TAFA5: variants seen among roughly 807,000 people sequenced by gnomAD.
The protein encoded by TAFA5 is chemokine-like protein TAFA-5.
A neutral mutation model predicts 15.3 loss-of-function variants in TAFA5; 6 were observed. That is an observed-to-expected ratio of 0.39 (90% CI 0.21 to 0.77). The LOEUF is 0.77. Ranked by LOEUF, TAFA5 falls within the 30% of genes least tolerant of loss-of-function variation. The probability of loss-of-function intolerance (pLI) is 0.41; values close to 1 mark genes in which losing one functional copy is unlikely to be tolerated. For synonymous variants in TAFA5, 103 were observed against 80.7 expected (o/e 1.28, Z -1.48); for missense variants, 161 against 193.1 (o/e 0.83, Z 0.98).
At chr22:48,730,477 T>G (rs1234454433) in intron 3 of TAFA5, among the ~76,000 whole-genome samples, 3 of 152,216 alleles carry the variant, frequency 2.0e-5, no homozygotes, top group East Asian at 1.9e-4. Context: ...CCACCTTGTT[T>G]TATTGTACTC....
At chr22:48,567,712 C>T (rs9627381) in intron 1 of TAFA5, among the ~76,000 whole-genome samples, 3,277 of 152,238 alleles carry the variant, frequency 0.022, 128 homozygotes, top group African/African-American at 0.074. Context: ...CGGGTGAGCT[C>T]GGGAACTAAG....
chr22:48,661,947 A>C (rs1219689210), intron 2 of TAFA5, among the ~76,000 whole-genome samples: 2 of 118,888 alleles, frequency 1.7e-5, no homozygotes, highest in Non-Finnish European at 3.4e-5. Flanking sequence ...GGAGATGGTG[A>C]CTGGGGGCTC....
rs1927620574 is a variant in TAFA5, at chr22:48,666,555, A to G, written c.262+19809A>G. Among the ~76,000 whole-genome samples the G allele has an allele frequency of 2.0e-5, 3 of 152,324 alleles. 1 individual carries two copies. In the South Asian group the frequency reaches 6.2e-4, roughly 32 times the overall value. Reference sequence around the variant, plus strand: ...CCAGGCAATACTGAGACCCGTGACCAGTCAGTACGGAGGCCCGTGACCTGG... The same window carrying G: ...CCAGGCAATACTGAGACCCGTGACCGGTCAGTACGGAGGCCCGTGACCTGG... On this transcript the variant is annotated intron_variant, in intron 2 of 3. Coordinates refer to ENST00000402357, the MANE Select transcript of TAFA5 (RefSeq NM_001082967.3).
At chr22:48,591,678 C>T (rs143856855) in intron 1 of TAFA5, among the ~76,000 whole-genome samples, 196 of 152,272 alleles carry the variant, frequency 1.3e-3, no homozygotes, top group Middle Eastern at 6.8e-3. Flanking sequence ...AGGTGAATGC[C>T]GGAGCCTGGG....
chr22:48,662,535 G>A (rs1354586013), intron 2 of TAFA5, among the ~76,000 whole-genome samples: 4 of 152,080 alleles, frequency 2.6e-5, no homozygotes, highest in Admixed American at 6.5e-5. Flanking sequence ...GTGTGAGACC[G>A]TGTGGAGGGC....
At chr22:48,636,244 T>C (rs1926441089) in intron 1 of TAFA5, among the ~76,000 whole-genome samples, 1 of 152,212 alleles carries the variant, frequency 6.6e-6, no homozygotes, top group East Asian at 1.9e-4. Flanking sequence ...TTCACAACTA[T>C]GTGAGTGAGG....
chr22:48,714,621 G>A (rs9628605), intron 3 of TAFA5, among the ~76,000 whole-genome samples: 9,634 of 152,234 alleles, frequency 0.063, 362 homozygotes, highest in Admixed American at 0.095. Context: ...GAAACCAGGC[G>A]ATTAGGTGAA....
chr22:48,512,940 AAAAAG>A (rs1269243003), intron 1 of TAFA5, among the ~76,000 whole-genome samples: 15 of 148,454 alleles, frequency 1.0e-4, no homozygotes, highest in South Asian at 2.1e-4. Context: ...AAAAAAAAAA[AAAAAG>A]AGAGAGAGAG....
intron 1 of TAFA5, among the ~76,000 whole-genome samples, chr22:48,575,182 G>C (rs775582728): frequency 5.3e-5 from 8 of 152,016 alleles, no homozygotes; most frequent in Non-Finnish European, 8.8e-5. Context: ...GGCGCCACTC[G>C]AGGCCCCGCG....
chr22:48,584,510 CACACACACAT>C (rs1248544251), intron 1 of TAFA5, among the ~76,000 whole-genome samples: 1 of 150,730 alleles, frequency 6.6e-6, no homozygotes, highest in Non-Finnish European at 1.5e-5. Context: ...ACACCACACA[CACACACACAT>C]ACACACCACA....
At chr22:48,525,621 G>A in intron 1 of TAFA5, among the ~76,000 whole-genome samples, 1 of 152,196 alleles carries the variant, frequency 6.6e-6, no homozygotes, top group African/African-American at 2.4e-5. Flanking sequence ...CTGGGGGCTT[G>A]TGGACCAACA....
At chr22:48,703,818 C>T (rs1005526084) in intron 2 of TAFA5, among the ~76,000 whole-genome samples, 3 of 152,246 alleles carry the variant, frequency 2.0e-5, no homozygotes, top group African/African-American at 2.4e-5. Context: ...CCACACTGCC[C>T]GGGTTTTCTG....
intron 1 of TAFA5, among the ~76,000 whole-genome samples, chr22:48,528,173 G>A (rs886600416): frequency 1.3e-5 from 2 of 152,214 alleles, no homozygotes; most frequent in Admixed American, 6.5e-5. Context: ...GCTGAAGTTC[G>A]GAGGTGCCGG....
intron 1 of TAFA5, among the ~76,000 whole-genome samples, chr22:48,540,875 TAAAA>T (rs34844674): frequency 7.7e-6 from 1 of 129,854 alleles, no homozygotes. Context: ...TCATTGACAG[TAAAA>T]AAAAAAAAAA....
intron 2 of TAFA5, chr22:48,693,157 C>G: frequency 2.4e-6 from 2 of 825,456 alleles, no homozygotes; most frequent in Non-Finnish European, 3.7e-6. Context: ...GTCGAAGCCT[C>G]TGCTGGAAAA....
At chr22:48,715,447 G>A (rs12170277) in intron 3 of TAFA5, among the ~76,000 whole-genome samples, 32,131 of 151,872 alleles carry the variant, frequency 0.21, 3,832 homozygotes, top group East Asian at 0.44. Context: ...ACAGGATGGG[G>A]CAGGGAGGCG....
chr22:48,528,759 C>T (rs1161638500), intron 1 of TAFA5, among the ~76,000 whole-genome samples: 2 of 152,174 alleles, frequency 1.3e-5, no homozygotes, highest in Admixed American at 6.5e-5. Flanking sequence ...CGTGCAGGGC[C>T]GGTGGGCGGG....
chr22:48,643,492 G>T (rs1926755580), intron 1 of TAFA5, among the ~76,000 whole-genome samples: 1 of 152,098 alleles, frequency 6.6e-6, no homozygotes, highest in African/African-American at 2.4e-5. Context: ...TGTGCACTTT[G>T]GTGTGGCCCT....
chr22:48,516,744 G>A (rs994360719), intron 1 of TAFA5, among the ~76,000 whole-genome samples: 6 of 152,188 alleles, frequency 3.9e-5, no homozygotes, highest in Non-Finnish European at 7.3e-5. Flanking sequence ...CGCCACGAAG[G>A]CAAGTGCCTT....
Sources: gnomAD v4.1 joint callset for allele counts (sites outside exome capture counted in the v4.1 genomes callset) on GRCh38, gnomAD v4.1.1 for gene constraint, MANE v1.5 for transcripts, NCBI Gene and HGNC (gene_info 2026-07-23, HGNC 2026-07-21) for gene names.